The following CCNDBP1 variants were observed in gnomAD, a reference collection of about 807,000 sequenced individuals.
CCNDBP1 encodes the protein cyclin-D1-binding protein 1.
A neutral mutation model predicts 46.2 loss-of-function variants in CCNDBP1; 45 were observed. That is an observed-to-expected ratio of 0.97 (90% CI 0.77 to 1.25). The LOEUF (loss-of-function observed/expected upper bound fraction) is 1.25. CCNDBP1 is among the 50% of genes most tolerant of loss of function. The pLI is 0.00. For missense variants in CCNDBP1, 436 were observed against 442.1 expected (o/e 0.99, Z 0.12); for synonymous variants, 154 against 163.6 (o/e 0.94, Z 0.45).
In CCNDBP1 at chr15:43,190,079, G is replaced by A. The variant is rs201779296; in HGVS notation, c.356G>A (p.Arg119Gln). 8.4e-5 allele frequency: 135 copies of A among 1,613,954 alleles called. No individual in the cohort carries two copies. Among genetic ancestry groups the A allele is most frequent in the Middle Eastern group, 6.6e-4 (4 of 6,066 alleles). The change falls in exon 5 of 11, where the codon CGG becomes CAG. Residue 119 changes from arginine to glutamine, a missense_variant. By Grantham distance (43) the Arg-to-Gln change is conservative. Coordinates refer to ENST00000300213, the MANE Select transcript of CCNDBP1 (RefSeq NM_012142.5). The part of the protein sequence containing the change: ...DQGITLRKLV[R>Q]GATLDIVDGM... Reference sequence around the variant, plus strand: ...GGGATCACCCTGAGAAAGCTGGTACGGGGCGCCACCCTGGACATCGTGGAT... The same window carrying A: ...GGGATCACCCTGAGAAAGCTGGTACAGGGCGCCACCCTGGACATCGTGGAT...
intron 10 of CCNDBP1, 63 bp downstream of exon 10, chr15:43,194,524 C>CCGTT: frequency 1.5e-6 from 2 of 1,313,836 alleles, no homozygotes; most frequent in Non-Finnish European, 2.2e-6. Context: ...TCCAGACGTT[C>CCGTT]TCAACTCCCT....
chr15:43,192,871 C>T, intron 9 of CCNDBP1, 68 bp downstream of exon 9: 1 of 1,370,544 alleles, frequency 7.3e-7, no homozygotes, highest in African/African-American at 1.4e-5. Flanking sequence ...ACTAGTATTT[C>T]CTGTAAGCTA....
chr15:43,185,784 C>G (rs1169026758), intron 1 of CCNDBP1, 36 bp from the exon 2 acceptor site: 2 of 1,602,604 alleles, frequency 1.2e-6, no homozygotes, highest in Admixed American at 1.7e-5. Context: ...CTTTTCCATT[C>G]GCCACCGTTC....
In CCNDBP1 at chr15:43,194,725, A is replaced by C; in HGVS notation, c.969-2A>C. ...CTTACTTCTTTCCTATTCTATTCAC[A>C]GAGCAAGTCATGTGACCCCTCAGCC... On this transcript the variant is annotated splice_acceptor_variant, in intron 10 of 10. Coordinates refer to ENST00000300213, the MANE Select transcript of CCNDBP1 (RefSeq NM_012142.5). LOFTEE classifies it high-confidence loss of function. 6 of 1,590,104 alleles carry C rather than the reference A, an allele frequency of 3.8e-6. No individual in the cohort carries two copies. The highest frequency in any genetic ancestry group is 1.1e-5 in the South Asian group (1 of 90,574).
intron 3 of CCNDBP1, 108 bp downstream of exon 3, chr15:43,186,341 C>T: frequency 1.1e-6 from 1 of 883,066 alleles, no homozygotes; most frequent in South Asian, 1.5e-5. Context: ...TTTTCTTCAT[C>T]TGTCCAGTGA....
In CCNDBP1 at chr15:43,186,165, G is replaced by C. The variant is rs140148623; in HGVS notation, c.181G>C (p.Val61Leu). ...CGGCCACCCCCCAGATGAGGCAGCTGTGACTGTGTCAAGGGAAGCCACGAC... is the reference window on the plus strand; with the variant it reads ...CGGCCACCCCCCAGATGAGGCAGCTCTGACTGTGTCAAGGGAAGCCACGAC... ...MFWRRLNEAA[V>L]TVSREATTLT... The change falls in exon 3 of 11, where the codon GTG becomes CTG. Residue 61 changes from valine (V) to leucine (L), a missense_variant. By Grantham distance (32) the Val-to-Leu change is conservative (BLOSUM62 1). Coordinates refer to ENST00000300213, the MANE Select transcript of CCNDBP1 (RefSeq NM_012142.5). 6.2e-7 allele frequency: 1 copy of C among 1,614,024 alleles called. No individual in the cohort carries two copies. The highest frequency in any genetic ancestry group is 8.5e-7 in the Non-Finnish European group (1 of 1,179,990).
chr15:43,194,046 CTTTT>C lies in CCNDBP1; in HGVS notation c.922-342_922-339del, dbSNP rs748207621. The stretch of plus-strand genomic sequence containing the variant: ...TGGTGTTCTTAAAATTCTTAATGCG[CTTTT>C]TTTTTTTTTTTTTTTTTTTTTTTTT... On this transcript the variant is annotated intron_variant, in intron 9 of 10. Coordinates refer to ENST00000300213, the MANE Select transcript of CCNDBP1 (RefSeq NM_012142.5). 3.8e-3 allele frequency: 188 copies of C among 50,132 alleles called. 1 individual carries two copies. Among genetic ancestry groups the C allele is most frequent in the African/African-American group, 0.024 (95 of 3,892 alleles). 3.1% of individuals were successfully genotyped at this position (50,132 alleles called of 1,614,324 possible).
chr15:43,188,666 T>A (rs1191344998), intron 3 of CCNDBP1: 1 of 152,234 alleles, frequency 6.6e-6, no homozygotes, highest in African/African-American at 2.4e-5. Context: ...TCTTAATGGT[T>A]TATTGAGTTG....
chr15:43,192,837 CA>C (rs776705469), intron 9 of CCNDBP1, 34 bp downstream of exon 9: 82 of 1,585,148 alleles, frequency 5.2e-5, no homozygotes, highest in Non-Finnish European at 6.8e-5. Flanking sequence ...AGCTACAGAA[CA>C]AATGGGCAGA....
chr15:43,185,522 A>G lies in CCNDBP1; in HGVS notation c.24A>G (p.Ala8=). The change falls in exon 1 of 11, where the codon GCA becomes GCG. Residue 8 remains alanine, a synonymous_variant. Transcript: ENST00000300213. ...AGATGGCGAGCGCAACTGCACCTGC[A>G]GCCGCAGTCCCCACCCTGGCTTCGC... MASATAP[A]AAVPTLASPL... The G allele has an allele frequency of 6.3e-7, 1 of 1,596,034 alleles. No individual in the cohort carries two copies. The highest frequency in any genetic ancestry group is 8.5e-7 in the Non-Finnish European group (1 of 1,174,010).
intron 8 of CCNDBP1, 114 bp from the exon 9 acceptor site, chr15:43,192,629 A>T: frequency 1.0e-6 from 1 of 953,618 alleles, no homozygotes. Flanking sequence ...CCCAATTTTA[A>T]AAACTGACAG....
At chr15:43,192,618 GC>G in intron 8 of CCNDBP1, 124 bp from the exon 9 acceptor site, 1 of 795,164 alleles carries the variant, frequency 1.3e-6, no homozygotes. Flanking sequence ...TTGCCCAGTT[GC>G]CCAATTTTAA....
intron 3 of CCNDBP1, among the ~76,000 whole-genome samples, chr15:43,187,814 T>G (rs988545075): frequency 5.3e-5 from 8 of 152,176 alleles, no homozygotes; most frequent in Non-Finnish European, 1.0e-4. Context: ...CACTCATAGA[T>G]GAAAAGTTAG....
At chr15:43,191,704 G>T (rs1247589767) in intron 8 of CCNDBP1, 29 bp downstream of exon 8, 2 of 1,585,200 alleles carry the variant, frequency 1.3e-6, no homozygotes, top group South Asian at 2.2e-5. Context: ...TGAAACATCT[G>T]AGCAGCAGCG....
In CCNDBP1 at chr15:43,191,511, T is replaced by C. The variant is rs764950508; in HGVS notation, c.696T>C (p.Tyr232=). Residue 232 remains tyrosine (Y), a synonymous_variant, in exon 8 of 11, where the codon TAT becomes TAC. Coordinates refer to ENST00000300213, the MANE Select transcript of CCNDBP1 (RefSeq NM_012142.5). ...VLGFPSNQDL[Y]WSEDDQELII... The stretch of plus-strand genomic sequence containing the variant: ...GGTTTCCCAGCAATCAGGACTTGTA[T>C]TGGTCAGAGGACGATCAAGAGCTCA... 4.3e-6 allele frequency: 7 copies of C among 1,614,148 alleles called. No homozygotes were observed. The South Asian group carries it at 6.6e-5, about 15-fold the overall frequency.
In CCNDBP1 at chr15:43,185,540, G is replaced by A. The variant is rs1157779144; in HGVS notation, c.42G>A (p.Leu14=). The part of the protein sequence containing the change: ...ATAPAAAVPT[L]ASPLEQLRHL... ...CACCTGCAGCCGCAGTCCCCACCCTGGCTTCGCCTTTGGAGCAGCTCCGGC... is the reference window on the plus strand; with the variant it reads ...CACCTGCAGCCGCAGTCCCCACCCTAGCTTCGCCTTTGGAGCAGCTCCGGC... Residue 14 remains leucine (L), a synonymous_variant, in exon 1 of 11, where the codon CTG becomes CTA. Transcript: ENST00000300213. The A allele has an allele frequency of 3.1e-6, 5 of 1,596,890 alleles. No homozygotes were observed. In the South Asian group the frequency reaches 3.4e-5, roughly 11 times the overall value.
In CCNDBP1 at chr15:43,195,745, A is replaced by G. The variant is rs948245774; in HGVS notation, c.*904A>G. 1 of 152,202 alleles carries G rather than the reference A, an allele frequency of 6.6e-6. No homozygotes were observed. The highest frequency in any genetic ancestry group is 1.5e-5 in the Non-Finnish European group (1 of 68,050). 9.4% of individuals were successfully genotyped at this position (152,202 alleles called of 1,614,324 possible). A position where few individuals can be genotyped will look rare whatever the true frequency, so the allele number is the denominator to read the frequency against. On this transcript the variant is annotated 3_prime_UTR_variant, in exon 11 of 11. Coordinates refer to ENST00000300213, the MANE Select transcript of CCNDBP1 (RefSeq NM_012142.5). Reference sequence around the variant, plus strand: ...CTGAATAGGGCATTATGCATGTCCTACAGGTCTCCGCCACCTCTCATGCCC... The same window carrying G: ...CTGAATAGGGCATTATGCATGTCCTGCAGGTCTCCGCCACCTCTCATGCCC...
At chr15:43,191,934 A>G (rs1436844553) in intron 8 of CCNDBP1, among the ~76,000 whole-genome samples, 1 of 152,202 alleles carries the variant, frequency 6.6e-6, no homozygotes, top group African/African-American at 2.4e-5. Flanking sequence ...TAAATTGCAG[A>G]CAGCAATGAC....
chr15:43,194,495 G>A lies in CCNDBP1; in HGVS notation c.968+34G>A, dbSNP rs369982564. On this transcript the variant is annotated intron_variant, in intron 10 of 10. Coordinates refer to ENST00000300213, the MANE Select transcript of CCNDBP1 (RefSeq NM_012142.5). ...GAAGACTTCTCAGATAGCTTTTTGT[G>A]AGTAAAACGGAACTGCTGTCCAGAC... 4.5e-6 allele frequency: 7 copies of A among 1,549,912 alleles called. No individual in the cohort carries two copies. The African/African-American group carries it at 6.9e-5, about 15-fold the overall frequency.
Sources: allele counts gnomAD v4.1 joint callset (sites outside exome capture counted in the v4.1 genomes callset), GRCh38; gene constraint gnomAD v4.1.1; transcripts MANE v1.5; gene names NCBI Gene and HGNC (gene_info 2026-07-23, HGNC 2026-07-21).